The following SEMA4D variants were observed in gnomAD, a reference collection of about 807,000 sequenced individuals.
The protein encoded by SEMA4D is semaphorin 4D, also known as semaphorin-4D.
In SEMA4D, 22 loss-of-function variants were observed where a neutral mutation model predicts 74.8. That is an observed-to-expected ratio of 0.29 (90% CI 0.21 to 0.42). The LOEUF is 0.42. Ranked by LOEUF, SEMA4D falls within the 10% of genes least tolerant of loss-of-function variation. The pLI is 1.00. For missense variants in SEMA4D, 937 were observed against 1,118.4 expected, an observed-to-expected ratio of 0.84 and a Z score of 2.31; for synonymous variants, 445 against 463.7, an observed-to-expected ratio of 0.96 and a Z score of 0.52.
intron 2 of SEMA4D, 91 bp downstream of exon 2, chr9:89,455,797 G>A (rs927476594): frequency 2.0e-5 from 3 of 152,248 alleles, no homozygotes; most frequent in African/African-American, 7.2e-5. Context: ...GCTGCTGACT[G>A]AGGAATGGAA....
chr9:89,483,567 G>A (rs536901980), intron 1 of SEMA4D, among the ~76,000 whole-genome samples: 1 of 152,186 alleles, frequency 6.6e-6, no homozygotes, highest in Non-Finnish European at 1.5e-5. Flanking sequence ...ACATTTCCAT[G>A]CAGTTACACA....
At chr9:89,363,584 G>T in intron 17 of SEMA4D, 1 of 1,608,032 alleles carries the variant, frequency 6.2e-7, no homozygotes. Context: ...TGGCACCCTT[G>T]ATGCCCACTG....
chr9:89,385,418 G>A (rs530503011), intron 13 of SEMA4D: 165 of 985,428 alleles, frequency 1.7e-4, no homozygotes, highest in Middle Eastern at 1.6e-3. Context: ...TTTCAACAAC[G>A]AGGCTGGGGT....
At chr9:89,427,349 T>C (rs368850958) in intron 2 of SEMA4D, among the ~76,000 whole-genome samples, 121 of 152,174 alleles carry the variant, frequency 8.0e-4, no homozygotes, top group African/African-American at 2.5e-3. Flanking sequence ...GAGGGTCAAG[T>C]GCATATGGAC....
At chr9:89,437,979 G>T (rs7041088) in intron 2 of SEMA4D, among the ~76,000 whole-genome samples, 1 of 152,122 alleles carries the variant, frequency 6.6e-6, no homozygotes, top group Non-Finnish European at 1.5e-5. Flanking sequence ...CGCCCTTCTC[G>T]CTGGAAGATT....
intron 2 of SEMA4D, among the ~76,000 whole-genome samples, chr9:89,442,628 G>A (rs990366246): frequency 2.0e-5 from 3 of 152,128 alleles, no homozygotes; most frequent in African/African-American, 7.2e-5. Flanking sequence ...AAAAGACAAT[G>A]AGTTTCACTT....
chr9:89,443,244 G>C (rs993576221), intron 2 of SEMA4D, among the ~76,000 whole-genome samples: 2 of 152,180 alleles, frequency 1.3e-5, no homozygotes, highest in African/African-American at 4.8e-5. Flanking sequence ...GGGTCGCGAG[G>C]TGCTCTGGAG....
chr9:89,491,733 G>A (rs1473763364), intron 1 of SEMA4D, among the ~76,000 whole-genome samples: 1 of 152,162 alleles, frequency 6.6e-6, no homozygotes, highest in African/African-American at 2.4e-5. Context: ...AGTCCATGTG[G>A]AACTGAGAGT....
At chr9:89,450,678 AAAAAAAAAAG>A in intron 2 of SEMA4D, 1 of 815,702 alleles carries the variant, frequency 1.2e-6, no homozygotes, top group Non-Finnish European at 1.9e-6. Context: ...AAAAAAAAAA[AAAAAAAAAAG>A]GCCTCCAAGA....
intron 13 of SEMA4D, chr9:89,385,868 C>CCCCCCCCCCCCCCCCA: frequency 7.1e-6 from 1 of 141,716 alleles, no homozygotes; most frequent in Non-Finnish European, 1.5e-5. Flanking sequence ...GCGTGGATGC[C>CCCCCCCCCCCCCCCCA]CGCCCACCCA....
In SEMA4D at chr9:89,362,408, GGT is replaced by G. The variant is rs1184362835; in HGVS notation, c.2209_2210del (p.Thr737ProfsTer22). ...AGGGACTCCTTCCTGGTGGCTACAG[GGT>G]GTCCTTGCTACAGCTTTCCTGAAAG... On this transcript the variant is annotated frameshift_variant, in exon 19 of 19. Transcript: ENST00000339861. LOFTEE classifies it high-confidence loss of function. 4 of 1,614,008 alleles carry G rather than the reference GGT, an allele frequency of 2.5e-6. No homozygotes were observed. The highest frequency in any genetic ancestry group is 1.7e-5 in the Admixed American group (1 of 60,020).
In SEMA4D at chr9:89,386,489, G is replaced by A; in HGVS notation, c.1331-7C>T. ...TTGTGCAGAGCTCCCCGGTCTGCAG[G>A]GCCAAAGCTACAGGTCAGTGACACT... On this transcript the variant is annotated splice_polypyrimidine_tract_variant and splice_region_variant and intron_variant, in intron 12 of 15. Coordinates refer to ENST00000422704, the MANE Select transcript of SEMA4D (RefSeq NM_001371194.2). 1.2e-6 allele frequency: 2 copies of A among 1,606,920 alleles called. No homozygotes were observed. Among genetic ancestry groups the A allele is most frequent in the African/African-American group, 1.3e-5 (1 of 74,840 alleles).
chr9:89,393,729 T>G (rs1840329094), intron 6 of SEMA4D, 74 bp from the exon 7 acceptor site: 4 of 1,201,918 alleles, frequency 3.3e-6, no homozygotes, highest in Admixed American at 1.7e-5. Flanking sequence ...TCTGTACCAC[T>G]TCATTTTACA....
intron 1 of SEMA4D, among the ~76,000 whole-genome samples, chr9:89,495,744 G>C: frequency 6.6e-6 from 1 of 152,008 alleles, no homozygotes; most frequent in Admixed American, 6.5e-5. Flanking sequence ...TCCAACCCTG[G>C]AGCTCTGGCT....
chr9:89,392,329 C>A, intron 8 of SEMA4D, 94 bp downstream of exon 8: 2 of 985,898 alleles, frequency 2.0e-6, no homozygotes, highest in Non-Finnish European at 1.6e-6. Flanking sequence ...AGCTCGGGGG[C>A]CCCCAGGGCT....
At chr9:89,437,424 G>C (rs1392750207) in intron 2 of SEMA4D, among the ~76,000 whole-genome samples, 1 of 152,214 alleles carries the variant, frequency 6.6e-6, no homozygotes, top group Non-Finnish European at 1.5e-5. Flanking sequence ...CAGCAGGGCA[G>C]GTGTGAAGCT....
chr9:89,443,084 G>C (rs1037612309), intron 2 of SEMA4D, among the ~76,000 whole-genome samples: 3 of 152,176 alleles, frequency 2.0e-5, no homozygotes, highest in Non-Finnish European at 4.4e-5. Flanking sequence ...CCTCCCAGGA[G>C]GAAGGCGGCT....
At chr9:89,452,567 T>G (rs1854862256) in intron 2 of SEMA4D, among the ~76,000 whole-genome samples, 1 of 152,162 alleles carries the variant, frequency 6.6e-6, no homozygotes, top group African/African-American at 2.4e-5. Context: ...TTCTCCTATC[T>G]CAGCCTCCAG....
At position 89,393,548 on chromosome 9, in the gene SEMA4D, G is replaced by T; in HGVS notation, c.508+14C>A. ...TAATCTTCACGGTGAAGGAACTGGA[G>T]GGGCAGGACTCACCAACCATGACGG... On this transcript the variant is annotated intron_variant, in intron 7 of 15. Coordinates refer to ENST00000422704, the MANE Select transcript of SEMA4D (RefSeq NM_001371194.2). 1 of 1,604,412 alleles carries T rather than the reference G, an allele frequency of 6.2e-7. No individual in the cohort carries two copies.
Sources: allele counts gnomAD v4.1 joint callset (sites outside exome capture counted in the v4.1 genomes callset), GRCh38; gene constraint gnomAD v4.1.1; transcripts MANE v1.5; gene names NCBI Gene and HGNC (gene_info 2026-07-23, HGNC 2026-07-21).